Variants in PRRC2B observed in about 807,000 individuals in gnomAD.
The protein encoded by PRRC2B is proline rich coiled-coil 2B, also known as protein PRRC2B.
PRRC2B carries 68 observed loss-of-function variants against 242.3 expected under a neutral mutation model. That is an observed-to-expected ratio of 0.28 (90% CI 0.23 to 0.34). The LOEUF is 0.34. Ranked by LOEUF, PRRC2B falls within the 10% of genes least tolerant of loss-of-function variation. The pLI is 1.00. For synonymous variants in PRRC2B, 1,228 were observed against 1,173.6 expected (o/e 1.05, Z -0.95); for missense variants, 2,835 against 2,954.8 (o/e 0.96, Z 0.94).
chr9:131,453,104 T>C (rs1178215701), intron 9 of PRRC2B, among the ~76,000 whole-genome samples: 1 of 152,254 alleles, frequency 6.6e-6, no homozygotes, highest in East Asian at 1.9e-4. Context: ...GAAGCTGCTA[T>C]TAGGCATACA....
intron 9 of PRRC2B, among the ~76,000 whole-genome samples, chr9:131,450,103 A>G (rs1942862842): frequency 6.6e-6 from 1 of 152,182 alleles, no homozygotes; most frequent in South Asian, 2.1e-4. Context: ...GTGGGTTTAT[A>G]GTAAATCTTA....
intron 25 of PRRC2B, among the ~76,000 whole-genome samples, chr9:131,485,443 C>T (rs1004699621): frequency 5.9e-5 from 9 of 152,184 alleles, no homozygotes; most frequent in East Asian, 1.9e-4. Context: ...CGTGTCGCCT[C>T]GGCTGGTGAG....
chr9:131,425,577 T>A (rs989646414), intron 1 of PRRC2B, among the ~76,000 whole-genome samples: 2 of 151,664 alleles, frequency 1.3e-5, no homozygotes, highest in African/African-American at 4.8e-5. Flanking sequence ...CAAGCTCCCC[T>A]TCTGGGTTCA....
chr9:131,447,504 G>A (rs1397763983), intron 8 of PRRC2B, among the ~76,000 whole-genome samples, 158 bp from the exon 9 acceptor site: 1 of 152,124 alleles, frequency 6.6e-6, no homozygotes. Context: ...TTTCTGGGAT[G>A]TACTCGTTTG....
In PRRC2B at chr9:131,475,479, G is replaced by T. The variant is rs769349458; in HGVS notation, c.3350G>T (p.Arg1117Leu). 4.4e-6 allele frequency: 7 copies of T among 1,593,508 alleles called. No homozygotes were observed. The highest frequency in any genetic ancestry group is 1.4e-5 in the African/African-American group (1 of 73,950). Reference protein sequence around the residue: ...GRGRGLREFARPEDCPRAKPR... With the variant: ...GRGRGLREFALPEDCPRAKPR... ...GGCCGGGGCCTGCGAGAGTTTGCGC[G>T]GCCAGAGGACTGCCCCAGAGCCAAG... The change falls in exon 16 of 32, where the codon CGG (arginine) becomes CTG (leucine). Residue 1117 changes from arginine to leucine, a missense_variant. Arg to Leu is a moderately radical substitution (Grantham distance 102, BLOSUM62 -2). Coordinates refer to ENST00000683519, the MANE Select transcript of PRRC2B (RefSeq NM_013318.4).
At chr9:131,391,457 T>C (rs1836899226), upstream of PRRC2B, among the ~76,000 whole-genome samples, 1 of 152,198 alleles carries the variant, frequency 6.6e-6, no homozygotes, top group South Asian at 2.1e-4. Context: ...CCAGGATTCA[T>C]CTCTGCATCT....
chr9:131,473,472 A>C, intron 14 of PRRC2B, 36 bp from the exon 15 acceptor site: 1 of 1,492,510 alleles, frequency 6.7e-7, no homozygotes, highest in Non-Finnish European at 9.1e-7. Flanking sequence ...GGGCTTTCTA[A>C]ATGAGATGAT....
intron 1 of PRRC2B, among the ~76,000 whole-genome samples, chr9:131,401,054 C>A (rs551686484): frequency 1.3e-5 from 2 of 148,902 alleles, no homozygotes; most frequent in African/African-American, 5.0e-5. Context: ...CTCTACCTCT[C>A]GGGTTCAAGC....
At chr9:131,484,589 C>T (rs1943961608) in intron 23 of PRRC2B, 97 bp from the exon 24 acceptor site, 8 of 946,992 alleles carry the variant, frequency 8.4e-6, no homozygotes, top group Non-Finnish European at 1.3e-5. Context: ...TACATTTGGA[C>T]GAGCCTTGAG....
intron 6 of PRRC2B, among the ~76,000 whole-genome samples, chr9:131,444,777 C>T (rs568063479): frequency 2.8e-4 from 43 of 152,286 alleles, no homozygotes; most frequent in Middle Eastern, 3.4e-3. Flanking sequence ...ACCCATTCCT[C>T]TGGGGATTGT....
At chr9:131,421,974 C>G (rs1021688800) in intron 1 of PRRC2B, among the ~76,000 whole-genome samples, 3 of 152,222 alleles carry the variant, frequency 2.0e-5, no homozygotes, top group African/African-American at 7.2e-5. Context: ...CCAGTGCAGC[C>G]TGGGCTCCAA....
intron 1 of PRRC2B, among the ~76,000 whole-genome samples, chr9:131,396,176 C>T (rs1324927191): frequency 6.6e-6 from 1 of 152,026 alleles, no homozygotes; most frequent in Non-Finnish European, 1.5e-5. Context: ...GTTTTCTCTC[C>T]ATAGGAAGGT....
At position 131,475,633 on chromosome 9, in the gene PRRC2B, C is replaced by T; in HGVS notation, c.3504C>T (p.Thr1168=). The change falls in exon 16 of 32, where the codon ACC becomes ACT. Residue 1168 remains threonine, a synonymous_variant. Coordinates refer to ENST00000683519, the MANE Select transcript of PRRC2B (RefSeq NM_013318.4). The part of the protein sequence containing the change: ...EGSLLEREES[T]LKKGDCRDSW... ...CGCTCCTGGAGAGGGAGGAGAGCAC[C>T]TTGAAGAAGGGCGACTGCAGAGATT... is the stretch of plus-strand genomic sequence containing the variant. 1 of 1,611,554 alleles carries T rather than the reference C, an allele frequency of 6.2e-7. No individual in the cohort carries two copies. Among genetic ancestry groups the T allele is most frequent in the East Asian group, 2.2e-5 (1 of 44,830 alleles).
Position 131,464,720 on chromosome 9 carries a change from G to A in PRRC2B, c.1405-43G>A, listed in dbSNP as rs765562386. The A allele has an allele frequency of 2.4e-5, 37 of 1,521,766 alleles. 1 individual carries two copies. In the South Asian group the frequency reaches 4.7e-4, roughly 19 times the overall value. 94.3% of individuals were successfully genotyped at this position (1,521,766 alleles called of 1,614,324 possible). A position where few individuals can be genotyped will look rare whatever the true frequency, so the allele number is the denominator to read the frequency against. On this transcript the variant is annotated intron_variant, in intron 11 of 31. Transcript: ENST00000683519. ...AGTGGGAGTGGTTCCTGTATCCCGG[G>A]TCCCGGACCCACCGCCTTATCTCAG...
intron 14 of PRRC2B, among the ~76,000 whole-genome samples, chr9:131,472,837 ATTC>A (rs1448846875): frequency 2.0e-5 from 3 of 152,014 alleles, no homozygotes; most frequent in Non-Finnish European, 4.4e-5. Context: ...TTCCATTCTT[ATTC>A]TTCTCTTTCT....
chr9:131,491,521 G>C lies in PRRC2B; in HGVS notation c.6322G>C (p.Ala2108Pro), dbSNP rs574008495. 13 of 1,612,036 alleles carry C rather than the reference G, an allele frequency of 8.1e-6. No homozygotes were observed. The highest frequency in any genetic ancestry group is 5.3e-5 in the African/African-American group (4 of 75,006). Residue 2108 changes from alanine to proline, a missense_variant, in exon 29 of 32, where the codon GCC (alanine) becomes CCC (proline). By Grantham distance (27) the Ala-to-Pro change is conservative (BLOSUM62 -1). Transcript: ENST00000683519. ...ACCTGGGCAGAGCCTCTCCGTTGGG[G>C]CCCCCCGAAGGATTCCTCCGCCCGG... Reference protein sequence around the residue: ...LPPGQSLSVGAPRRIPPPGSQ... With the variant: ...LPPGQSLSVGPPRRIPPPGSQ...
chr9:131,390,360 C>T (rs539995146), upstream of PRRC2B, among the ~76,000 whole-genome samples: 4 of 149,472 alleles, frequency 2.7e-5, no homozygotes, highest in Admixed American at 1.4e-4. Context: ...GGGCTAAGCA[C>T]TTTGCAGGGA....
Position 131,497,652 on chromosome 9 carries a change from A to G in PRRC2B, c.*1778A>G, listed in dbSNP as rs1944368368. The G allele has an allele frequency of 6.6e-6, 1 of 152,262 alleles. No individual in the cohort carries two copies. Among genetic ancestry groups the G allele is most frequent in the Non-Finnish European group, 1.5e-5 (1 of 68,090 alleles). 9.4% of individuals were successfully genotyped at this position (152,262 alleles called of 1,614,324 possible). A position where few individuals can be genotyped will look rare whatever the true frequency, so the allele number is the denominator to read the frequency against. The stretch of plus-strand genomic sequence containing the variant: ...TAAGGAAGCGGGAGAACGGCCTCCT[A>G]CCAACAGCGCCCACCCCAGAGCTGC... On this transcript the variant is annotated 3_prime_UTR_variant, in exon 32 of 32. Transcript: ENST00000683519.
intron 14 of PRRC2B, 135 bp from the exon 15 acceptor site, chr9:131,473,373 T>C (rs760330364): frequency 3.1e-6 from 2 of 641,372 alleles, no homozygotes; most frequent in East Asian, 2.7e-5. Context: ...AGCCCTATGA[T>C]GTGTAGGTGG....
Sources: allele counts gnomAD v4.1 joint callset (sites outside exome capture counted in the v4.1 genomes callset), GRCh38; gene constraint gnomAD v4.1.1; transcripts MANE v1.5; gene names NCBI Gene and HGNC (gene_info 2026-07-23, HGNC 2026-07-21).